Variants in SEC23B observed in about 807,000 individuals in gnomAD.
SEC23B encodes the protein protein transport protein Sec23B.
A neutral mutation model predicts 104.3 loss-of-function variants in SEC23B; 77 were observed. The observed-to-expected ratio is 0.74, with a 90% CI of 0.61 to 0.89. SEC23B has a LOEUF of 0.89. Among genes scored for constraint, SEC23B ranks in the 40% least tolerant of loss-of-function variants. The pLI is 0.00. For synonymous variants in SEC23B, 338 were observed against 332.5 expected, an observed-to-expected ratio of 1.02 and a Z score of -0.18; for missense variants, 885 against 949.4, an observed-to-expected ratio of 0.93 and a Z score of 0.89.
chr20:18,533,891 G>A (rs1049138910), intron 11 of SEC23B, among the ~76,000 whole-genome samples: 1 of 152,178 alleles, frequency 6.6e-6, no homozygotes, highest in Non-Finnish European at 1.5e-5. Context: ...CCTGCTGAAG[G>A]CTTCTTGAAG....
At chr20:18,514,225 G>A (rs975493134) in intron 3 of SEC23B, among the ~76,000 whole-genome samples, 1 of 152,118 alleles carries the variant, frequency 6.6e-6, no homozygotes, top group Non-Finnish European at 1.5e-5. Flanking sequence ...GCTGGAAGAC[G>A]GAGGGATCAG....
intron 8 of SEC23B, among the ~76,000 whole-genome samples, 197 bp downstream of exon 8, chr20:18,526,728 C>T (rs1017661674): frequency 4.6e-5 from 7 of 152,174 alleles, no homozygotes; most frequent in African/African-American, 1.2e-4. Context: ...GGCCTTAAAA[C>T]TACTCAAAGG....
chr20:18,540,606 A>G (rs1332574012), intron 12 of SEC23B, among the ~76,000 whole-genome samples: 1 of 152,240 alleles, frequency 6.6e-6, no homozygotes, highest in Non-Finnish European at 1.5e-5. Context: ...CTGTAATCCC[A>G]GCACTTTGGG....
intron 1 of SEC23B, chr20:18,509,519 G>A (rs751919047): frequency 6.6e-6 from 1 of 152,142 alleles, no homozygotes; most frequent in Non-Finnish European, 1.5e-5. Context: ...TGAACAGGAT[G>A]TATAAATACT....
At chr20:18,538,049 T>C (rs2060252483) in intron 12 of SEC23B, among the ~76,000 whole-genome samples, 2 of 152,048 alleles carry the variant, frequency 1.3e-5, no homozygotes, top group Admixed American at 6.6e-5. Flanking sequence ...GTTCAAGCCA[T>C]TCTCCCACCC....
intron 9 of SEC23B, among the ~76,000 whole-genome samples, chr20:18,528,923 C>G (rs996027887): frequency 4.6e-5 from 7 of 152,188 alleles, no homozygotes; most frequent in African/African-American, 1.7e-4. Context: ...CCAGCAAAGG[C>G]AAGGTGATTC....
chr20:18,519,239 G>C (rs1441974804), intron 4 of SEC23B, among the ~76,000 whole-genome samples: 3 of 152,220 alleles, frequency 2.0e-5, no homozygotes, highest in South Asian at 2.1e-4. Flanking sequence ...TGTGGGTCAG[G>C]TGTGGTATCA....
intron 4 of SEC23B, among the ~76,000 whole-genome samples, chr20:18,523,887 A>T (rs1009469340): frequency 6.7e-6 from 1 of 149,928 alleles, no homozygotes; most frequent in Non-Finnish European, 1.5e-5. Flanking sequence ...AAATTTTTAT[A>T]TTTTTTTTTG....
In SEC23B at chr20:18,560,773, C is replaced by G. The variant is rs1237675240; in HGVS notation, c.*33C>G. ...ATACAACCAGGAAATGCAACGGTGT[C>G]AGATTGTGTTCAAAATGTCTAGAAA... On this transcript the variant is annotated 3_prime_UTR_variant, in exon 20 of 20. Coordinates refer to ENST00000650089, the MANE Select transcript of SEC23B (RefSeq NM_006363.6). 1.3e-6 allele frequency: 2 copies of G among 1,494,800 alleles called. No homozygotes were observed. Among genetic ancestry groups the G allele is most frequent in the Non-Finnish European group, 1.9e-6 (2 of 1,071,182 alleles). 92.6% of individuals were successfully genotyped at this position (1,494,800 alleles called of 1,614,324 possible).
intron 15 of SEC23B, among the ~76,000 whole-genome samples, chr20:18,547,913 C>G (rs2060347492): frequency 5.0e-5 from 1 of 20,182 alleles, no homozygotes; most frequent in African/African-American, 2.0e-4. Context: ...ACCCAGAGGC[C>G]CTTTTCTTAA....
At chr20:18,542,190 C>T (rs1035705776) in intron 12 of SEC23B, 106 bp from the exon 13 acceptor site, 4 of 971,248 alleles carry the variant, frequency 4.1e-6, no homozygotes, top group Admixed American at 3.4e-5. Flanking sequence ...TGTCAAGAAC[C>T]TTCCTGTCAT....
chr20:18,532,906 T>C (rs1333342193), intron 11 of SEC23B, among the ~76,000 whole-genome samples, 162 bp downstream of exon 11: 1 of 152,206 alleles, frequency 6.6e-6, no homozygotes, highest in Non-Finnish European at 1.5e-5. Context: ...GGTGGTGTTA[T>C]TCCATCTGTT....
chr20:18,531,597 G>A lies in SEC23B; in HGVS notation c.1233+794G>A, dbSNP rs528938179. On this transcript the variant is annotated intron_variant, in intron 10 of 19. Transcript: ENST00000650089. ...CTTGTACGTAGGAGGCGGAGGTTGC[G>A]GTGAGCCAAAATCCTGCCATTGCAC... Among the ~76,000 whole-genome samples, 23 of 148,944 alleles carry A rather than the reference G, an allele frequency of 1.5e-4. No individual in the cohort carries two copies. In the South Asian group the frequency reaches 3.5e-3, roughly 23 times the overall value.
intron 19 of SEC23B, among the ~76,000 whole-genome samples, chr20:18,556,137 G>A (rs1683284396): frequency 6.6e-6 from 1 of 152,098 alleles, no homozygotes; most frequent in Non-Finnish European, 1.5e-5. Context: ...AGGTGGTAAT[G>A]CACGTGATGG....
intron 11 of SEC23B, among the ~76,000 whole-genome samples, chr20:18,535,084 T>G (rs2060216733): frequency 6.6e-6 from 1 of 152,164 alleles, no homozygotes; most frequent in African/African-American, 2.4e-5. Context: ...GCTCTCCACC[T>G]TAGAGCTGCT....
At position 18,520,853 on chromosome 20, in the gene SEC23B, G is replaced by A. The variant is rs545281301; in HGVS notation, c.367-3580G>A. 2.6e-5 allele frequency among the ~76,000 whole-genome samples: 4 copies of A among 152,074 alleles called. No homozygotes were observed. In the East Asian group the frequency reaches 5.8e-4, roughly 22 times the overall value. The stretch of plus-strand genomic sequence containing the variant: ...GTGGCTTCTGAGGCGATCAGGCAGC[G>A]TCCGTCTTCAGCCACTAAGCTGAGA... On this transcript the variant is annotated intron_variant, in intron 4 of 19. Transcript: ENST00000650089.
At chr20:18,517,237 G>A (rs1039840951) in intron 4 of SEC23B, among the ~76,000 whole-genome samples, 3 of 152,238 alleles carry the variant, frequency 2.0e-5, no homozygotes, top group Non-Finnish European at 4.4e-5. Context: ...GCAAAGGGTG[G>A]TGGATTATCA....
intron 9 of SEC23B, among the ~76,000 whole-genome samples, chr20:18,528,418 C>T (rs1322521925): frequency 6.6e-6 from 1 of 152,178 alleles, no homozygotes; most frequent in Non-Finnish European, 1.5e-5. Flanking sequence ...AACATAGAGC[C>T]GAGTTTGAGA....
chr20:18,559,155 T>C (rs2060469479), intron 19 of SEC23B, among the ~76,000 whole-genome samples: 1 of 152,062 alleles, frequency 6.6e-6, no homozygotes, highest in Non-Finnish European at 1.5e-5. Context: ...CTGGCCTCTG[T>C]TGACACCTCG....
Sources: allele counts gnomAD v4.1 joint callset (sites outside exome capture counted in the v4.1 genomes callset), GRCh38; gene constraint gnomAD v4.1.1; transcripts MANE v1.5; gene names NCBI Gene and HGNC (gene_info 2026-07-23, HGNC 2026-07-21).